Variants in SLC25A13 observed in about 807,000 individuals in gnomAD.
SLC25A13 encodes the protein electrogenic aspartate/glutamate antiporter SLC25A13, mitochondrial.
In SLC25A13, 70 loss-of-function variants were observed where a neutral mutation model predicts 85.5. The observed-to-expected ratio is 0.82, with a 90% CI of 0.68 to 1.00. The LOEUF (loss-of-function observed/expected upper bound fraction) is 1.00, where lower values mean the gene tolerates loss of function less well. SLC25A13 is among the 50% of genes least tolerant of loss of function. The pLI, the probability that SLC25A13 is intolerant of heterozygous loss-of-function variation, is 0.00. For synonymous variants in SLC25A13, 259 were observed against 288.7 expected (o/e 0.90, Z 1.04); for missense variants, 765 against 819.8 (o/e 0.93, Z 0.82).
rs1321777041 is a variant in SLC25A13 at position 96,251,474 on chromosome 7, C to T, written c.213-16557G>A. Among the ~76,000 whole-genome samples, 5 of 152,252 alleles carry T rather than the reference C, an allele frequency of 3.3e-5. No homozygotes were observed. In the East Asian group the frequency reaches 7.7e-4, roughly 24 times the overall value. ...TTGGTGAGAAGTTATTACAATAATC[C>T]AGGTGAGAGATGGTCATGCCTGCGT... On this transcript the variant is annotated intron_variant, in intron 3 of 17. Coordinates refer to ENST00000265631, the MANE Select transcript of SLC25A13 (RefSeq NM_014251.3).
chr7:96,280,107 C>CTTTT (rs1364669005), intron 2 of SLC25A13, among the ~76,000 whole-genome samples: 1 of 152,046 alleles, frequency 6.6e-6, no homozygotes, highest in Non-Finnish European at 1.5e-5. Flanking sequence ...TGTTTCAGGA[C>CTTTT]CATCCTTTTC....
At chr7:96,182,311 A>C (rs1373324623) in intron 11 of SLC25A13, among the ~76,000 whole-genome samples, 1 of 152,212 alleles carries the variant, frequency 6.6e-6, no homozygotes, top group Non-Finnish European at 1.5e-5. Flanking sequence ...TTTTTGTTTT[A>C]AAATGGTTTA....
chr7:96,163,963 T>C (rs556929116), intron 13 of SLC25A13, among the ~76,000 whole-genome samples: 42 of 152,288 alleles, frequency 2.8e-4, no homozygotes, highest in African/African-American at 9.6e-4. Context: ...AGACTAGTAC[T>C]TAAGTCATGA....
At chr7:96,251,018 C>G (rs975597177) in intron 3 of SLC25A13, among the ~76,000 whole-genome samples, 4 of 151,920 alleles carry the variant, frequency 2.6e-5, no homozygotes, top group African/African-American at 7.3e-5. Flanking sequence ...TTTCGTGGAG[C>G]TTACAGTCAA....
At chr7:96,238,163 A>C (rs1584495882) in intron 3 of SLC25A13, among the ~76,000 whole-genome samples, 1 of 152,162 alleles carries the variant, frequency 6.6e-6, no homozygotes, top group Non-Finnish European at 1.5e-5. Context: ...TTTTTATAAA[A>C]CAGGGAAATT....
intron 1 of SLC25A13, among the ~76,000 whole-genome samples, chr7:96,315,377 T>A (rs928851756): frequency 3.9e-5 from 6 of 152,138 alleles, no homozygotes; most frequent in Non-Finnish European, 7.4e-5. Flanking sequence ...TCAATCATGA[T>A]CTCTGGAGGG....
At chr7:96,250,472 C>A (rs11973160) in intron 3 of SLC25A13, among the ~76,000 whole-genome samples, 3,138 of 152,192 alleles carry the variant, frequency 0.021, 101 homozygotes, top group African/African-American at 0.07. Context: ...CATAAATGAG[C>A]GAGGACATGC....
chr7:96,139,829 T>C (rs1186046276), intron 14 of SLC25A13, among the ~76,000 whole-genome samples: 1 of 152,198 alleles, frequency 6.6e-6, no homozygotes, highest in Non-Finnish European at 1.5e-5. Flanking sequence ...TAATATACCA[T>C]ATTTTCTTTA....
intron 13 of SLC25A13, among the ~76,000 whole-genome samples, chr7:96,155,759 G>A (rs1010801436): frequency 6.6e-6 from 1 of 152,114 alleles, no homozygotes; most frequent in Admixed American, 6.6e-5. Flanking sequence ...AGCCAGACAC[G>A]TGTCAAGCAC....
intron 1 of SLC25A13, among the ~76,000 whole-genome samples, chr7:96,315,285 C>T (rs1031747596): frequency 6.6e-6 from 1 of 152,192 alleles, no homozygotes; most frequent in South Asian, 2.1e-4. Context: ...GCCAGCAGGT[C>T]TCTTGAAGCA....
Position 96,121,036 on chromosome 7 carries a change from C to T in SLC25A13, c.*155G>A, listed in dbSNP as rs770621452. 16 of 852,126 alleles carry T rather than the reference C, an allele frequency of 1.9e-5. No homozygotes were observed. The highest frequency in any genetic ancestry group is 1.1e-4 in the South Asian group (8 of 70,128). The allele number at this position is 852,126 out of a possible 1,614,324, so 52.8% of individuals were successfully genotyped here. ...CACAATGATCTGGTTAAGAAAACAC[C>T]CAGAAAATGAATGATTTCACATGAT... On this transcript the variant is annotated 3_prime_UTR_variant, in exon 18 of 18. Transcript: ENST00000265631.
intron 15 of SLC25A13, among the ~76,000 whole-genome samples, chr7:96,128,939 G>GCTCCCT (rs1380552400): frequency 3.7e-5 from 3 of 81,852 alleles, no homozygotes; most frequent in African/African-American, 1.3e-4. Flanking sequence ...TGCCTTGCTT[G>GCTCCCT]CTCTCTCTCT....
intron 5 of SLC25A13, among the ~76,000 whole-genome samples, chr7:96,196,626 ATT>A (rs1795074243): frequency 6.6e-6 from 1 of 152,230 alleles, no homozygotes; most frequent in African/African-American, 2.4e-5. Flanking sequence ...TAAGAAAGTT[ATT>A]TTAAGTCTGA....
chr7:96,203,794 G>A (rs1305305894), intron 5 of SLC25A13, among the ~76,000 whole-genome samples: 1 of 152,200 alleles, frequency 6.6e-6, no homozygotes, highest in Non-Finnish European at 1.5e-5. Flanking sequence ...ACAGTACAAT[G>A]CACCCCTAAG....
intron 14 of SLC25A13, among the ~76,000 whole-genome samples, chr7:96,133,930 C>A (rs976802103): frequency 5.3e-5 from 8 of 150,274 alleles, no homozygotes; most frequent in African/African-American, 2.0e-4. Context: ...TAATAAAAAA[C>A]ATAAATAAAT....
chr7:96,291,485 C>A (rs1799116752), intron 2 of SLC25A13, among the ~76,000 whole-genome samples: 1 of 152,006 alleles, frequency 6.6e-6, no homozygotes, highest in African/African-American at 2.4e-5. Flanking sequence ...TTAATGAATC[C>A]AGGAGCTGGT....
At chr7:96,306,831 A>C (rs1799762231) in intron 1 of SLC25A13, 1 of 1,399,688 alleles carries the variant, frequency 7.1e-7, no homozygotes, top group Non-Finnish European at 1.0e-6. Flanking sequence ...ATCATGCAGC[A>C]GAAGCAGAAA....
At chr7:96,229,001 G>C (rs979668350) in intron 4 of SLC25A13, among the ~76,000 whole-genome samples, 4 of 152,162 alleles carry the variant, frequency 2.6e-5, no homozygotes, top group African/African-American at 9.7e-5. Flanking sequence ...CCAACCCCGT[G>C]GGCTCCCATG....
chr7:96,200,549 C>T (rs2116688222), intron 5 of SLC25A13, among the ~76,000 whole-genome samples: 1 of 151,784 alleles, frequency 6.6e-6, no homozygotes, highest in South Asian at 2.1e-4. Context: ...CTCCCCCCAC[C>T]CCCCATTTGG....
Sources: allele counts gnomAD v4.1 joint callset (sites outside exome capture counted in the v4.1 genomes callset), GRCh38; gene constraint gnomAD v4.1.1; transcripts MANE v1.5; gene names NCBI Gene and HGNC (gene_info 2026-07-23, HGNC 2026-07-21).